The following IMMP2L variants were observed in gnomAD, a reference collection of about 807,000 sequenced individuals.
The protein encoded by IMMP2L is inner mitochondrial membrane peptidase subunit 2.
In IMMP2L, 18 loss-of-function variants were observed where a neutral mutation model predicts 19.3. That is an observed-to-expected ratio of 0.93 (90% CI 0.64 to 1.38). The LOEUF (loss-of-function observed/expected upper bound fraction) is 1.38. IMMP2L is among the 40% of genes most tolerant of loss of function. The pLI is 0.00. For synonymous variants in IMMP2L, 76 were observed against 73.0 expected (o/e 1.04, Z -0.21); for missense variants, 233 against 218.2 (o/e 1.07, Z -0.43).
At chr7:110,777,494 G>A (rs148250922) in intron 5 of IMMP2L, among the ~76,000 whole-genome samples, 93 of 151,954 alleles carry the variant, frequency 6.1e-4, no homozygotes, top group Non-Finnish European at 1.1e-3. Context: ...ATAAGACCCC[G>A]TAAATCGAAG....
In IMMP2L at chr7:111,513,039, C is replaced by T. The variant is rs187939497; in HGVS notation, c.135+8274G>A. Among the ~76,000 whole-genome samples, 9 of 152,134 alleles carry T rather than the reference C, an allele frequency of 5.9e-5. No homozygotes were observed. In the East Asian group the frequency reaches 1.7e-3, roughly 29 times the overall value. On this transcript the variant is annotated intron_variant, in intron 2 of 5. Coordinates refer to ENST00000405709, the MANE Select transcript of IMMP2L (RefSeq NM_032549.4). ...AGAAGAAAACATAGGGAGAAAAGCT[C>T]CATGACACTGATCTGAGCAATGATT...
chr7:111,119,758 C>G (rs1277535964), intron 3 of IMMP2L, among the ~76,000 whole-genome samples: 1 of 152,028 alleles, frequency 6.6e-6, no homozygotes, highest in East Asian at 1.9e-4. Flanking sequence ...AATGATAATG[C>G]CCAGAAGATA....
chr7:110,990,139 C>T (rs1822299902), intron 3 of IMMP2L, among the ~76,000 whole-genome samples: 1 of 152,110 alleles, frequency 6.6e-6, no homozygotes, highest in South Asian at 2.1e-4. Flanking sequence ...TACATAGCCA[C>T]ACAAATAAGG....
chr7:111,235,029 C>A (rs1302291727), intron 3 of IMMP2L, among the ~76,000 whole-genome samples: 4 of 152,094 alleles, frequency 2.6e-5, no homozygotes. Context: ...AGGTTTCTAA[C>A]TGATAACATT....
intron 3 of IMMP2L, among the ~76,000 whole-genome samples, chr7:111,428,278 C>T (rs73426208): frequency 0.049 from 7,406 of 151,548 alleles, 755 homozygotes; most frequent in African/African-American, 0.17. Flanking sequence ...TTCTGTTTCA[C>T]ATATAGATGA....
At chr7:110,718,413 A>G (rs1435488207) in intron 5 of IMMP2L, among the ~76,000 whole-genome samples, 2 of 152,196 alleles carry the variant, frequency 1.3e-5, no homozygotes, top group African/African-American at 2.4e-5. Context: ...CTGCTATCCA[A>G]TGGAAGAGTA....
intron 3 of IMMP2L, among the ~76,000 whole-genome samples, chr7:111,286,567 T>G (rs1820506992): frequency 6.6e-6 from 1 of 152,176 alleles, no homozygotes; most frequent in Non-Finnish European, 1.5e-5. Flanking sequence ...TATGCAAATA[T>G]TATCATAGAG....
intron 3 of IMMP2L, among the ~76,000 whole-genome samples, chr7:111,082,422 C>A (rs766816259): frequency 1.1e-4 from 17 of 152,170 alleles, no homozygotes; most frequent in Admixed American, 3.9e-4. Context: ...TATTACAGTA[C>A]AACGCTTTGT....
chr7:111,451,016 T>C (rs1387660567), intron 3 of IMMP2L, among the ~76,000 whole-genome samples: 1 of 150,558 alleles, frequency 6.6e-6, no homozygotes, highest in East Asian at 1.9e-4. Flanking sequence ...TGAGATATCA[T>C]CTCACACCAG....
At chr7:110,971,349 C>T (rs968234317) in intron 3 of IMMP2L, among the ~76,000 whole-genome samples, 6 of 152,028 alleles carry the variant, frequency 3.9e-5, no homozygotes, top group African/African-American at 1.4e-4. Context: ...TTATGGTTAC[C>T]ATATGATATT....
intron 3 of IMMP2L, among the ~76,000 whole-genome samples, chr7:111,135,667 T>C (rs1802265520): frequency 1.3e-5 from 2 of 152,216 alleles, no homozygotes; most frequent in South Asian, 4.1e-4. Context: ...AATTTTTACA[T>C]GTTAATAACT....
intron 5 of IMMP2L, among the ~76,000 whole-genome samples, chr7:110,834,324 T>G (rs1050574303): frequency 6.6e-6 from 1 of 151,984 alleles, no homozygotes; most frequent in African/African-American, 2.4e-5. Flanking sequence ...TAGACATAAA[T>G]CAGGCCTTAC....
chr7:111,554,704 C>A (rs976026535), intron 1 of IMMP2L, among the ~76,000 whole-genome samples: 5 of 152,018 alleles, frequency 3.3e-5, no homozygotes, highest in African/African-American at 1.2e-4. Context: ...CTCACTGCAA[C>A]CTCCACCTCC....
chr7:111,548,606 A>G (rs1381491656), intron 1 of IMMP2L, among the ~76,000 whole-genome samples: 4 of 152,198 alleles, frequency 2.6e-5, no homozygotes, highest in Non-Finnish European at 5.9e-5. Flanking sequence ...TCTCGAAGTA[A>G]TCACCATCAA....
At chr7:110,700,502 A>G (rs1247518988) in intron 5 of IMMP2L, among the ~76,000 whole-genome samples, 1 of 152,200 alleles carries the variant, frequency 6.6e-6, no homozygotes, top group Non-Finnish European at 1.5e-5. Context: ...GATTGGCACA[A>G]ATACTGTTTG....
intron 5 of IMMP2L, among the ~76,000 whole-genome samples, chr7:110,882,773 GT>G (rs72028708): frequency 0.042 from 6,021 of 143,652 alleles, 389 homozygotes; most frequent in African/African-American, 0.14. Flanking sequence ...TTTTTCTTTT[GT>G]TTTTTTTTTA....
chr7:111,049,307 A>AT (rs1225919082), intron 3 of IMMP2L, among the ~76,000 whole-genome samples: 5 of 150,850 alleles, frequency 3.3e-5, no homozygotes, highest in African/African-American at 1.2e-4. Flanking sequence ...ATTTTTTTGT[A>AT]TTTTTAGTAG....
At chr7:111,265,789 T>C (rs143475810) in intron 3 of IMMP2L, among the ~76,000 whole-genome samples, 307 of 152,182 alleles carry the variant, frequency 2.0e-3, no homozygotes, top group African/African-American at 6.9e-3. Context: ...TCTAAAAATA[T>C]GAGAAAGAAA....
chr7:111,462,558 G>A (rs777147738), intron 3 of IMMP2L, among the ~76,000 whole-genome samples: 8 of 152,026 alleles, frequency 5.3e-5, no homozygotes, highest in Non-Finnish European at 1.0e-4. Context: ...TATTTATGAG[G>A]TACGGGTGAC....
Sources: allele counts gnomAD v4.1 joint callset (sites outside exome capture counted in the v4.1 genomes callset), GRCh38; gene constraint gnomAD v4.1.1; transcripts MANE v1.5; gene names NCBI Gene and HGNC (gene_info 2026-07-23, HGNC 2026-07-21).